Variants in ZNF423 observed in about 807,000 individuals in gnomAD.
ZNF423 encodes Ebf-associated zinc finger protein.
A neutral mutation model predicts 95.8 loss-of-function variants in ZNF423; 12 were observed. The observed-to-expected ratio is 0.13, with a 90% CI of 0.08 to 0.20. The LOEUF (loss-of-function observed/expected upper bound fraction) is 0.20, where lower values mean the gene tolerates loss of function less well. ZNF423 is among the 10% of genes least tolerant of loss of function. The pLI is 1.00. For synonymous variants in ZNF423, 749 were observed against 711.9 expected, an observed-to-expected ratio of 1.05 and a Z score of -0.83; for missense variants, 1,316 against 1,737.1, an observed-to-expected ratio of 0.76 and a Z score of 4.31.
chr16:49,568,419 C>T (rs1032134809), intron 5 of ZNF423, among the ~76,000 whole-genome samples: 10 of 152,102 alleles, frequency 6.6e-5, no homozygotes, highest in Non-Finnish European at 1.5e-4. Flanking sequence ...CCTTAAGAAG[C>T]CCTAGTTTCA....
intron 4 of ZNF423, among the ~76,000 whole-genome samples, chr16:49,632,434 A>G (rs1269951462): frequency 6.6e-6 from 1 of 152,152 alleles, no homozygotes; most frequent in Non-Finnish European, 1.5e-5. Context: ...GCAAGGCCCC[A>G]GAGAATGCCG....
chr16:49,832,379 T>C (rs1262070866), intron 1 of ZNF423, among the ~76,000 whole-genome samples: 1 of 152,172 alleles, frequency 6.6e-6, no homozygotes, highest in Non-Finnish European at 1.5e-5. Flanking sequence ...AGGCCAGGAA[T>C]GTTCTGAGCA....
intron 7 of ZNF423, among the ~76,000 whole-genome samples, chr16:49,502,110 C>T (rs557902305): frequency 2.0e-5 from 3 of 147,054 alleles, no homozygotes; most frequent in South Asian, 4.1e-4. Context: ...CCCACGAAAA[C>T]ATATCTGCAG....
chr16:49,636,735 T>C lies in ZNF423; in HGVS notation c.2441A>G (p.Lys814Arg), dbSNP rs777844115. 6.2e-7 allele frequency: 1 copy of C among 1,614,100 alleles called. No individual in the cohort carries two copies. The highest frequency in any genetic ancestry group is 2.2e-5 in the East Asian group (1 of 44,862). The stretch of plus-strand genomic sequence containing the variant: ...CTTGCTGCAGAACTTACAGTTATAC[T>C]TCTTGCTGTGTGTGGTGATGTGGCA... The part of the protein sequence containing the change: ...LQCHITTHSK[K>R]YNCKFCSKAF... Residue 814 changes from lysine to arginine, a missense_variant, in exon 4 of 8, where the codon AAG (lysine) becomes AGG (arginine). This residue lies in a region of ZNF423 where 620 missense variants were observed against 775.6 expected (regional missense o/e 0.80). Coordinates refer to ENST00000563137, the MANE Select transcript of ZNF423 (RefSeq NM_001379286.1). The surrounding 1 kb of genome is among the most constrained non-coding windows in gnomAD (Gnocchi z 8.6).
intron 2 of ZNF423, among the ~76,000 whole-genome samples, chr16:49,739,385 A>G (rs866423785): frequency 6.6e-6 from 1 of 152,286 alleles, no homozygotes. Context: ...GAGGACAAGG[A>G]ATGTCATGGC....
intron 3 of ZNF423, among the ~76,000 whole-genome samples, chr16:49,640,495 C>A (rs551662429): frequency 6.6e-6 from 1 of 152,260 alleles, no homozygotes; most frequent in South Asian, 2.1e-4. Flanking sequence ...TGTCCCAGGC[C>A]GATCCTAAGA....
At chr16:49,521,923 T>C (rs1968412784) in intron 7 of ZNF423, among the ~76,000 whole-genome samples, 1 of 152,166 alleles carries the variant, frequency 6.6e-6, no homozygotes, top group Admixed American at 6.5e-5. Flanking sequence ...CCACCAGCTG[T>C]GCAGACAGGC....
At chr16:49,624,169 T>C (rs1972177758) in intron 5 of ZNF423, among the ~76,000 whole-genome samples, 1 of 152,058 alleles carries the variant, frequency 6.6e-6, no homozygotes, top group South Asian at 2.1e-4. Flanking sequence ...TATATAACAG[T>C]ATATAATGTA....
At chr16:49,735,368 T>A (rs1390392707) in intron 2 of ZNF423, among the ~76,000 whole-genome samples, 2 of 152,196 alleles carry the variant, frequency 1.3e-5, no homozygotes, top group African/African-American at 4.8e-5. Flanking sequence ...CAGTCAGAGC[T>A]CTCAGCATCA....
Position 49,520,259 on chromosome 16 carries a change from T to C in ZNF423, c.3849+3365A>G, listed in dbSNP as rs550874037. On this transcript the variant is annotated intron_variant, in intron 7 of 7. Coordinates refer to ENST00000563137, the MANE Select transcript of ZNF423 (RefSeq NM_001379286.1). ...GAATAGGAAAGCTAGTTCCCTCTCA[T>C]GTTCCTAATTATTCGGTTGTGAATT... Among the ~76,000 whole-genome samples, 40 of 152,348 alleles carry C rather than the reference T, an allele frequency of 2.6e-4. No individual in the cohort carries two copies. The South Asian group carries it at 4.1e-3, about 16-fold the overall frequency.
intron 5 of ZNF423, among the ~76,000 whole-genome samples, chr16:49,606,369 T>C (rs1033840816): frequency 5.9e-5 from 9 of 152,080 alleles, no homozygotes; most frequent in Non-Finnish European, 2.9e-5. Context: ...GCCAAGCCCA[T>C]GGTTAGAATT....
intron 5 of ZNF423, among the ~76,000 whole-genome samples, chr16:49,602,313 C>T (rs1971399267): frequency 6.6e-6 from 1 of 152,222 alleles, no homozygotes; most frequent in Admixed American, 6.5e-5. Context: ...GTTTTGCTGC[C>T]AGCCCCTGGA....
chr16:49,551,300 G>T (rs1182864636), intron 5 of ZNF423, among the ~76,000 whole-genome samples: 1 of 152,230 alleles, frequency 6.6e-6, no homozygotes, highest in East Asian at 1.9e-4. Flanking sequence ...CTGCCAAAAA[G>T]TTTCAAAAGC....
intron 5 of ZNF423, among the ~76,000 whole-genome samples, chr16:49,593,064 G>A (rs553455254): frequency 2.0e-5 from 3 of 152,264 alleles, no homozygotes; most frequent in South Asian, 4.1e-4. Flanking sequence ...AAGGTTGTAT[G>A]GGGGAGTGAA....
At chr16:49,810,854 T>C (rs2034739553) in intron 1 of ZNF423, among the ~76,000 whole-genome samples, 1 of 152,130 alleles carries the variant, frequency 6.6e-6, no homozygotes, top group African/African-American at 2.4e-5. Context: ...ACCTGGGGCA[T>C]GTCTGAGTGG....
At chr16:49,624,941 T>C (rs1330657090) in intron 5 of ZNF423, among the ~76,000 whole-genome samples, 3 of 152,226 alleles carry the variant, frequency 2.0e-5, no homozygotes, top group African/African-American at 7.2e-5. Flanking sequence ...TGTGTTTAGT[T>C]CATGAAAATT....
chr16:49,730,484 G>A, intron 3 of ZNF423: 1 of 460,514 alleles, frequency 2.2e-6, no homozygotes, highest in Non-Finnish European at 3.9e-6. Flanking sequence ...CAGAAATTCA[G>A]GGTGCACATC....
At chr16:49,708,569 C>A (rs1053199653) in intron 3 of ZNF423, among the ~76,000 whole-genome samples, 1 of 152,158 alleles carries the variant, frequency 6.6e-6, no homozygotes, top group Non-Finnish European at 1.5e-5. Context: ...AGATTACAGG[C>A]ATGAGCCACC....
chr16:49,751,056 G>T (rs2033625294), intron 2 of ZNF423, among the ~76,000 whole-genome samples: 1 of 152,200 alleles, frequency 6.6e-6, no homozygotes, highest in Non-Finnish European at 1.5e-5. Flanking sequence ...AAATCAGAAG[G>T]TGCTGGGAGA....
Sources: allele counts gnomAD v4.1 joint callset (sites outside exome capture counted in the v4.1 genomes callset), GRCh38; gene constraint gnomAD v4.1.1; regional missense constraint gnomAD v4.1.1; non-coding constraint Gnocchi (gnomAD v3.1); transcripts MANE v1.5; gene names NCBI Gene and HGNC (gene_info 2026-07-23, HGNC 2026-07-21).